Variants in PRKCB observed in about 807,000 individuals in gnomAD.
PRKCB encodes the protein protein kinase C beta, also known as protein kinase C beta type.
Under a neutral mutation model 81.5 loss-of-function variants are expected in PRKCB, and 13 were observed. The observed-to-expected ratio is 0.16, with a 90% CI of 0.10 to 0.25. The LOEUF (loss-of-function observed/expected upper bound fraction) is 0.25, where lower values mean the gene tolerates loss of function less well. Ranked by LOEUF, PRKCB falls within the 10% of genes least tolerant of loss-of-function variation. PRKCB has a pLI of 1.00. For synonymous variants in PRKCB, 335 were observed against 321.4 expected, an observed-to-expected ratio of 1.04 and a Z score of -0.45; for missense variants, 509 against 875.7, an observed-to-expected ratio of 0.58 and a Z score of 5.29.
chr16:23,863,206 GTATATATACA>G (rs1567293391), intron 2 of PRKCB, among the ~76,000 whole-genome samples: 1 of 60,528 alleles, frequency 1.7e-5, no homozygotes, highest in Non-Finnish European at 4.3e-5. Flanking sequence ...GTATATATGT[GTATATATACA>G]TACATATATA....
At chr16:23,985,344 G>A (rs554684026) in intron 2 of PRKCB, among the ~76,000 whole-genome samples, 161 of 152,252 alleles carry the variant, frequency 1.1e-3, no homozygotes, top group African/African-American at 3.5e-3. Flanking sequence ...TGATCTGCCT[G>A]CCTCAGTCTC....
intron 2 of PRKCB, among the ~76,000 whole-genome samples, chr16:23,932,541 C>G (rs1048665654): frequency 6.6e-5 from 10 of 152,226 alleles, no homozygotes; most frequent in Non-Finnish European, 1.5e-4. Context: ...TTGATCCTCT[C>G]TCTGGGGACT....
chr16:24,012,687 C>G (rs1965219141), intron 3 of PRKCB, among the ~76,000 whole-genome samples: 1 of 152,214 alleles, frequency 6.6e-6, no homozygotes, highest in African/African-American at 2.4e-5. Context: ...GCCTATAAAC[C>G]AAATTGGTTT....
intron 16 of PRKCB, among the ~76,000 whole-genome samples, chr16:24,192,417 G>A (rs536830785): frequency 2.0e-5 from 3 of 152,320 alleles, no homozygotes; most frequent in East Asian, 3.9e-4. Flanking sequence ...CACATGTCAT[G>A]AGCAGCATCA....
At chr16:24,048,283 G>A (rs918997069) in intron 5 of PRKCB, among the ~76,000 whole-genome samples, 2 of 152,142 alleles carry the variant, frequency 1.3e-5, no homozygotes, top group Non-Finnish European at 2.9e-5. Context: ...TTTTACAGAT[G>A]GGGAAACTGA....
chr16:23,883,749 A>T (rs561868531), intron 2 of PRKCB, among the ~76,000 whole-genome samples: 1 of 152,320 alleles, frequency 6.6e-6, no homozygotes, highest in East Asian at 1.9e-4. Context: ...GCAAATGCAC[A>T]GCTGGGCACC....
intron 10 of PRKCB, among the ~76,000 whole-genome samples, chr16:24,166,098 G>T (rs1411302168): frequency 6.6e-6 from 1 of 151,786 alleles, no homozygotes. Context: ...TGTTGGCCAG[G>T]CTGGTCTCAA....
intron 2 of PRKCB, among the ~76,000 whole-genome samples, chr16:23,971,686 C>T (rs527472105): frequency 6.6e-6 from 1 of 152,254 alleles, no homozygotes; most frequent in South Asian, 2.1e-4. Context: ...TCTTACTTGC[C>T]CCTGTTACGT....
chr16:24,136,905 T>C (rs1966866769), intron 9 of PRKCB, among the ~76,000 whole-genome samples: 1 of 152,036 alleles, frequency 6.6e-6, no homozygotes, highest in South Asian at 2.1e-4. Context: ...TGAGATGGAG[T>C]CTCACTCTGT....
chr16:24,018,869 C>G (rs1196512679), intron 3 of PRKCB, among the ~76,000 whole-genome samples: 1 of 152,198 alleles, frequency 6.6e-6, no homozygotes, highest in Non-Finnish European at 1.5e-5. Context: ...ATTACAGCTT[C>G]TAACATTCTC....
chr16:23,948,229 G>C (rs1964230197), intron 2 of PRKCB, among the ~76,000 whole-genome samples: 1 of 152,158 alleles, frequency 6.6e-6, no homozygotes, highest in Non-Finnish European at 1.5e-5. Flanking sequence ...AGTGGTGGCA[G>C]CGGGTTCTGT....
intron 5 of PRKCB, among the ~76,000 whole-genome samples, chr16:24,053,381 A>G (rs1965865281): frequency 6.6e-6 from 1 of 152,238 alleles, no homozygotes; most frequent in South Asian, 2.1e-4. Flanking sequence ...TGCCATTGTA[A>G]CACGGAAGTG....
rs187773893 is a variant in PRKCB at position 23,892,870 on chromosome 16, T to C, written c.205+55464T>C. ...TGCCTTCTGATCTCAGCCTATCACC[T>C]ATCTCAGGTTCTGTCTCCACGATAC... On this transcript the variant is annotated intron_variant, in intron 2 of 16. Transcript: ENST00000643927. 3 of 152,258 alleles carry C rather than the reference T, an allele frequency of 2.0e-5. No homozygotes were observed. The East Asian group carries it at 5.8e-4, about 29-fold the overall frequency. The allele number at this position is 152,258 out of a possible 1,614,324, so 9.4% of individuals were successfully genotyped here. A position where few individuals can be genotyped will look rare whatever the true frequency, so the allele number is the denominator to read the frequency against.
intron 2 of PRKCB, among the ~76,000 whole-genome samples, chr16:23,849,071 G>A (rs920101059): frequency 6.6e-6 from 1 of 152,246 alleles, no homozygotes; most frequent in African/African-American, 2.4e-5. Flanking sequence ...GGTGATTTGA[G>A]TGTGAGTGAG....
chr16:24,065,178 G>A (rs921698994), intron 5 of PRKCB, among the ~76,000 whole-genome samples: 2 of 150,980 alleles, frequency 1.3e-5, no homozygotes, highest in African/African-American at 4.9e-5. Flanking sequence ...TTTAATTGGA[G>A]CATTTAGACC....
chr16:23,957,296 A>G (rs1369222272), intron 2 of PRKCB, among the ~76,000 whole-genome samples: 1 of 152,238 alleles, frequency 6.6e-6, no homozygotes, highest in Admixed American at 6.5e-5. Context: ...TGCAATGTTT[A>G]TTCTAAATAA....
Position 24,123,867 on chromosome 16 carries a change from G to A in PRKCB, c.951G>A (p.Pro317=), listed in dbSNP as rs750938251. ...AGATCAGTCAGGGAACCAAGGTCCC[G>A]GAAGAAAAGACGACCAACACTGTCT... is the stretch of plus-strand genomic sequence containing the variant. ...RAKISQGTKV[P]EEKTTNTVSK... The change falls in exon 9 of 17, where the codon CCG becomes CCA. Residue 317 remains proline (P), a synonymous_variant. Transcript: ENST00000643927. The A allele has an allele frequency of 2.6e-5, 42 of 1,613,940 alleles. No individual in the cohort carries two copies. The highest frequency in any genetic ancestry group is 2.1e-4 in the South Asian group (19 of 91,068).
intron 7 of PRKCB, among the ~76,000 whole-genome samples, chr16:24,112,682 TGTAA>T (rs1290453121): frequency 1.3e-5 from 2 of 152,126 alleles, no homozygotes; most frequent in African/African-American, 2.4e-5. Flanking sequence ...AAGAAAACTG[TGTAA>T]GTGTGTATAG....
At position 24,207,841 on chromosome 16, in the gene PRKCB, G is replaced by C. The variant is rs548628290; in HGVS notation, c.1864-6817G>C. 4.9e-3 allele frequency among the ~76,000 whole-genome samples: 743 copies of C among 152,294 alleles called. 4 individuals are homozygous for C. The highest frequency in any genetic ancestry group is 0.017 in the African/African-American group (694 of 41,564). The stretch of plus-strand genomic sequence containing the variant: ...TGGATGAGTGGAGAAGGAGTGGAAG[G>C]CAAGTGTTCCTGGCAGAGGAGGCAG... On this transcript the variant is annotated intron_variant, in intron 16 of 16. Transcript: ENST00000643927.
Sources: gnomAD v4.1 joint callset for allele counts (sites outside exome capture counted in the v4.1 genomes callset) on GRCh38, gnomAD v4.1.1 for gene constraint, MANE v1.5 for transcripts, NCBI Gene and HGNC (gene_info 2026-07-23, HGNC 2026-07-21) for gene names.